C1QTNF3: variants seen among roughly 807,000 people sequenced by gnomAD.
C1QTNF3 encodes C1q and TNF related 3, also known as complement C1q tumor necrosis factor-related protein 3.
C1QTNF3 carries 26 observed loss-of-function variants against 32.6 expected under a neutral mutation model. The ratio of observed to expected loss-of-function variants is 0.80; its 90% CI spans 0.58 to 1.11. The LOEUF (loss-of-function observed/expected upper bound fraction) is 1.11, where lower values mean the gene tolerates loss of function less well. Ranked by LOEUF, C1QTNF3 falls within the 50% of genes least tolerant of loss-of-function variation. The pLI, the probability that C1QTNF3 is intolerant of heterozygous loss-of-function variation, is 0.00. For synonymous variants in C1QTNF3, 155 were observed against 146.0 expected, an observed-to-expected ratio of 1.06 and a Z score of -0.44; for missense variants, 362 against 398.2, an observed-to-expected ratio of 0.91 and a Z score of 0.77.
At chr5:34,116,120 C>T in the C1QTNF3 span, among the ~76,000 whole-genome samples, 13 of 151,996 alleles carry the variant, frequency 8.6e-5, no homozygotes, top group Non-Finnish European at 1.3e-4. Flanking sequence ...GTAATTTCTT[C>T]GACCCACTGC....
At chr5:34,158,333 C>T in the C1QTNF3 span, 1 of 152,092 alleles carries the variant, frequency 6.6e-6, no homozygotes, top group African/African-American at 2.4e-5. Flanking sequence ...TCTTCAGCTC[C>T]TGACCTCAAG....
intron 4 of C1QTNF3, among the ~76,000 whole-genome samples, chr5:34,025,353 A>G (rs1347347197): frequency 6.6e-6 from 1 of 152,252 alleles, no homozygotes; most frequent in African/African-American, 2.4e-5. Flanking sequence ...TTCTTACAAA[A>G]TGATGACTAC....
At chr5:34,221,740 A>AT in the C1QTNF3 span, among the ~76,000 whole-genome samples, 12,574 of 152,128 alleles carry the variant, frequency 0.083, 833 homozygotes, top group East Asian at 0.3. Context: ...ATTTTCATAG[A>AT]TTTTAATCTC....
At chr5:34,056,523 G>GAGAA in the C1QTNF3 span, among the ~76,000 whole-genome samples, 1 of 129,638 alleles carries the variant, frequency 7.7e-6, no homozygotes, top group East Asian at 2.2e-4. Context: ...GAGAGAGAGA[G>GAGAA]AGAGAAAGAG....
Position 34,042,840 on chromosome 5 carries a change from T to C in C1QTNF3, c.286A>G (p.Thr96Ala). ...HPEVDDLAQI[T>A]TFWGQSPQTG... Reference sequence around the variant, plus strand: ...CTGAGTACCTGGCCCCAGAATGTGGTGATCTGGGCTAGGTCATCTACCTCG... The same window carrying C: ...CTGAGTACCTGGCCCCAGAATGTGGCGATCTGGGCTAGGTCATCTACCTCG... The change falls in exon 1 of 6, where the codon ACC becomes GCC. Residue 96 changes from threonine (T) to alanine (A), a missense_variant. By Grantham distance (58) the Thr-to-Ala change is moderately conservative. Transcript: ENST00000382065. 6.2e-7 allele frequency: 1 copy of C among 1,612,822 alleles called. No individual in the cohort carries two copies. The highest frequency in any genetic ancestry group is 8.5e-7 in the Non-Finnish European group (1 of 1,179,068).
At chr5:34,037,773 T>G (rs1334201375) in intron 1 of C1QTNF3, among the ~76,000 whole-genome samples, 1 of 152,194 alleles carries the variant, frequency 6.6e-6, no homozygotes, top group Non-Finnish European at 1.5e-5. Context: ...CTCAGGGATT[T>G]TATCTGAGGG....
chr5:34,047,063 A>T (rs533530712), upstream of C1QTNF3, among the ~76,000 whole-genome samples: 2 of 152,278 alleles, frequency 1.3e-5, no homozygotes, highest in East Asian at 3.9e-4. Flanking sequence ...ATTGGGCATA[A>T]TTTTTTACCT....
Position 34,035,654 on chromosome 5 carries a change from G to A in C1QTNF3, c.408C>T (p.Gly136=). 6.2e-7 allele frequency: 1 copy of A among 1,608,456 alleles called. No individual in the cohort carries two copies. The highest frequency in any genetic ancestry group is 2.2e-5 in the East Asian group (1 of 44,836). Residue 136 remains glycine, a synonymous_variant, in exon 2 of 6, where the codon GGC becomes GGT. Coordinates refer to ENST00000382065, the MANE Select transcript of C1QTNF3 (RefSeq NM_181435.6). ...TGTCTTGCTCATCCTTACCTGGAAT[G>A]CCAGGAGGGCCCGGTGGCCCAGGGG... is the stretch of plus-strand genomic sequence containing the variant. ...QGPPGPPGPP[G]IPGNHGNNGN...
the C1QTNF3 span, among the ~76,000 whole-genome samples, chr5:34,138,474 A>C: frequency 6.6e-6 from 1 of 152,114 alleles, no homozygotes; most frequent in Non-Finnish European, 1.5e-5. Context: ...AGAAACTTGA[A>C]ACCTAGAAAG....
intron 5 of C1QTNF3, among the ~76,000 whole-genome samples, chr5:34,021,402 T>C (rs1279423673): frequency 6.6e-6 from 1 of 152,218 alleles, no homozygotes; most frequent in Non-Finnish European, 1.5e-5. Flanking sequence ...TTGCTGCTTT[T>C]AGAAAGATGT....
chr5:34,197,918 C>T, the C1QTNF3 span, among the ~76,000 whole-genome samples: 6 of 151,982 alleles, frequency 3.9e-5, no homozygotes, highest in South Asian at 1.0e-3. Context: ...GTCAAGGACG[C>T]TTTTTGGGGT....
At chr5:34,213,449 A>G in the C1QTNF3 span, among the ~76,000 whole-genome samples, 1 of 151,918 alleles carries the variant, frequency 6.6e-6, no homozygotes, top group African/African-American at 2.4e-5. Flanking sequence ...TAAATGCACC[A>G]TGATAAATCT....
chr5:34,055,482 C>G, the C1QTNF3 span, among the ~76,000 whole-genome samples: 1 of 152,234 alleles, frequency 6.6e-6, no homozygotes, highest in Non-Finnish European at 1.5e-5. Context: ...AAGTTGACCT[C>G]TGTGTGAAAC....
At chr5:34,201,887 C>T in the C1QTNF3 span, among the ~76,000 whole-genome samples, 1 of 152,118 alleles carries the variant, frequency 6.6e-6, no homozygotes, top group Non-Finnish European at 1.5e-5. Flanking sequence ...TTCAAAGGCA[C>T]GCAATCATTT....
At chr5:34,137,172 C>G in the C1QTNF3 span, among the ~76,000 whole-genome samples, 85 of 151,684 alleles carry the variant, frequency 5.6e-4, no homozygotes, top group African/African-American at 2.0e-3. Context: ...AGTGACTTCC[C>G]CTAGTAACAA....
the C1QTNF3 span, among the ~76,000 whole-genome samples, chr5:34,162,408 C>G: frequency 2.0e-5 from 3 of 152,102 alleles, no homozygotes; most frequent in African/African-American, 7.2e-5. Flanking sequence ...TTAATCACCT[C>G]TTATTAGGCC....
the C1QTNF3 span, among the ~76,000 whole-genome samples, chr5:34,119,277 T>C: frequency 2.6e-5 from 4 of 152,144 alleles, no homozygotes; most frequent in East Asian, 7.7e-4. Context: ...ATGTCATAGC[T>C]CTTTGACATT....
chr5:34,163,632 A>G, the C1QTNF3 span, among the ~76,000 whole-genome samples: 8 of 152,136 alleles, frequency 5.3e-5, no homozygotes, highest in Non-Finnish European at 1.2e-4. Flanking sequence ...GGTAAAAAGG[A>G]GTGCTCTAGA....
At chr5:34,117,782 TAA>T in the C1QTNF3 span, among the ~76,000 whole-genome samples, 1 of 143,554 alleles carries the variant, frequency 7.0e-6, no homozygotes, top group Non-Finnish European at 1.5e-5. Context: ...AAATAAAAAT[TAA>T]AAAAAAAAAA....
Sources: allele counts gnomAD v4.1 joint callset (sites outside exome capture counted in the v4.1 genomes callset), GRCh38; gene constraint gnomAD v4.1.1; transcripts MANE v1.5; gene names NCBI Gene and HGNC (gene_info 2026-07-23, HGNC 2026-07-21).